The following RALYL variants were observed in gnomAD, a reference collection of about 807,000 sequenced individuals.
RALYL encodes the protein RALY RNA binding protein like.
A neutral mutation model predicts 35.1 loss-of-function variants in RALYL; 29 were observed. The ratio of observed to expected loss-of-function variants is 0.83; its 90% CI spans 0.61 to 1.13. RALYL has a LOEUF of 1.13. Among genes scored for constraint, RALYL ranks in the 50% most tolerant of loss-of-function variants. RALYL has a pLI of 0.00. For synonymous variants in RALYL, 120 were observed against 127.6 expected, an observed-to-expected ratio of 0.94 and a Z score of 0.40; for missense variants, 359 against 360.4, an observed-to-expected ratio of 1.00 and a Z score of 0.03.
At chr8:84,334,074 G>A (rs952692276) in intron 1 of RALYL, among the ~76,000 whole-genome samples, 1 of 151,978 alleles carries the variant, frequency 6.6e-6, no homozygotes, top group African/African-American at 2.4e-5. Context: ...TGTAGAGATG[G>A]GGTTTAGCCA....
intron 1 of RALYL, among the ~76,000 whole-genome samples, chr8:84,456,274 G>C (rs765640369): frequency 6.6e-6 from 1 of 151,924 alleles, no homozygotes; most frequent in East Asian, 1.9e-4. Context: ...GCAATCATAT[G>C]CCTTTTCTAA....
chr8:84,732,844 C>T (rs1846503500), intron 2 of RALYL, among the ~76,000 whole-genome samples: 1 of 151,416 alleles, frequency 6.6e-6, no homozygotes, highest in Non-Finnish European at 1.5e-5. Flanking sequence ...TTACAGGGCT[C>T]ACCACCACGC....
chr8:84,667,675 A>G (rs996154416), intron 2 of RALYL, among the ~76,000 whole-genome samples: 1 of 152,092 alleles, frequency 6.6e-6, no homozygotes, highest in Non-Finnish European at 1.5e-5. Flanking sequence ...AACTTTGGTC[A>G]ATGACAGCCA....
chr8:84,739,286 G>A (rs1239960841), intron 2 of RALYL, among the ~76,000 whole-genome samples: 4 of 151,546 alleles, frequency 2.6e-5, no homozygotes, highest in East Asian at 1.9e-4. Context: ...ACTTCACATC[G>A]TATAATCACT....
At chr8:84,511,853 T>A (rs1281746232) in intron 1 of RALYL, among the ~76,000 whole-genome samples, 19 of 152,222 alleles carry the variant, frequency 1.2e-4, no homozygotes, top group Admixed American at 1.2e-3. Flanking sequence ...GCTCCATCCA[T>A]GCTGTGCAAA....
chr8:84,542,485 A>T (rs1024168446), intron 2 of RALYL, among the ~76,000 whole-genome samples: 5 of 149,214 alleles, frequency 3.4e-5, no homozygotes, highest in Non-Finnish European at 7.4e-5. Flanking sequence ...ATGTATTGTG[A>T]GGGGGACCAT....
intron 1 of RALYL, among the ~76,000 whole-genome samples, chr8:84,362,978 G>A (rs542625397): frequency 6.6e-6 from 1 of 151,454 alleles, no homozygotes; most frequent in South Asian, 2.1e-4. Flanking sequence ...GGAGATTGAA[G>A]GATCAGAAAC....
chr8:84,594,101 C>A (rs1215982706), intron 2 of RALYL, among the ~76,000 whole-genome samples: 2 of 152,010 alleles, frequency 1.3e-5, no homozygotes, highest in African/African-American at 4.8e-5. Flanking sequence ...ACCTGCATTT[C>A]TCTACCTAAA....
intron 1 of RALYL, among the ~76,000 whole-genome samples, chr8:84,427,670 A>G (rs988316913): frequency 3.9e-5 from 6 of 152,052 alleles, no homozygotes; most frequent in African/African-American, 1.4e-4. Context: ...GCCTTTAATT[A>G]TGCTCTACTG....
At chr8:84,231,383 A>G (rs1230601701) in intron 1 of RALYL, among the ~76,000 whole-genome samples, 1 of 152,222 alleles carries the variant, frequency 6.6e-6, no homozygotes, top group African/African-American at 2.4e-5. Context: ...ACTTTTATTC[A>G]CATTAATCAC....
chr8:84,390,303 C>CT (rs1563837551), intron 1 of RALYL, among the ~76,000 whole-genome samples: 1 of 151,996 alleles, frequency 6.6e-6, no homozygotes, highest in Admixed American at 6.6e-5. Flanking sequence ...CCAAAATTCT[C>CT]TTTTTTGGTT....
chr8:84,528,851 T>A (rs1350448864), intron 1 of RALYL, among the ~76,000 whole-genome samples: 1 of 152,146 alleles, frequency 6.6e-6, no homozygotes, highest in East Asian at 1.9e-4. Context: ...TATGTCTACC[T>A]ATTACAGAAA....
chr8:84,430,482 G>A (rs184555721), intron 1 of RALYL, among the ~76,000 whole-genome samples: 2 of 152,092 alleles, frequency 1.3e-5, no homozygotes, highest in Non-Finnish European at 2.9e-5. Flanking sequence ...TCACAAAGTG[G>A]CAATGTGCAA....
chr8:84,575,511 C>T (rs549539760), intron 2 of RALYL, among the ~76,000 whole-genome samples: 120 of 152,250 alleles, frequency 7.9e-4, no homozygotes, highest in Middle Eastern at 3.4e-3. Flanking sequence ...AAGTGTTCTT[C>T]CTCACAAGAT....
Position 84,546,142 on chromosome 8 carries a change from T to A in RALYL, c.256+16565T>A, listed in dbSNP as rs558165250. 4.0e-4 allele frequency among the ~76,000 whole-genome samples: 60 copies of A among 151,352 alleles called. 4 individuals are homozygous for A. The South Asian group carries it at 8.3e-3, about 21-fold the overall frequency. ...AGAGAGAAGAGAAAAAGATATATAT[T>A]TTTTTTTGACAAGGTCTCTGTTGCC... is the stretch of plus-strand genomic sequence containing the variant. On this transcript the variant is annotated intron_variant, in intron 2 of 8. Coordinates refer to ENST00000521268, the MANE Select transcript of RALYL (RefSeq NM_173848.7).
chr8:84,663,173 T>C (rs1831252105), intron 2 of RALYL, among the ~76,000 whole-genome samples: 1 of 152,216 alleles, frequency 6.6e-6, no homozygotes, highest in Non-Finnish European at 1.5e-5. Context: ...TTGTTCTTTT[T>C]TATGGCTGCA....
intron 2 of RALYL, among the ~76,000 whole-genome samples, chr8:84,661,497 T>G (rs967559010): frequency 6.6e-6 from 1 of 152,048 alleles, no homozygotes; most frequent in African/African-American, 2.4e-5. Context: ...ATCTCCATTC[T>G]TTTTGATTGA....
At chr8:84,289,571 T>A (rs1838357087) in intron 1 of RALYL, among the ~76,000 whole-genome samples, 1 of 152,170 alleles carries the variant, frequency 6.6e-6, no homozygotes, top group South Asian at 2.1e-4. Context: ...TAGTAGAGTA[T>A]GAGGATTTCC....
At chr8:84,208,662 T>C (rs1036599477) in intron 1 of RALYL, among the ~76,000 whole-genome samples, 6 of 152,170 alleles carry the variant, frequency 3.9e-5, no homozygotes, top group Non-Finnish European at 5.9e-5. Flanking sequence ...CTCAGTTTCC[T>C]CATCTATATA....
Sources: gnomAD v4.1 joint callset for allele counts (sites outside exome capture counted in the v4.1 genomes callset) on GRCh38, gnomAD v4.1.1 for gene constraint, MANE v1.5 for transcripts, NCBI Gene and HGNC (gene_info 2026-07-23, HGNC 2026-07-21) for gene names.